ATG10: variants seen among roughly 807,000 people sequenced by gnomAD.
The protein encoded by ATG10 is autophagy related 10.
Under a neutral mutation model 32.1 loss-of-function variants are expected in ATG10, and 30 were observed. The ratio of observed to expected loss-of-function variants is 0.94; its 90% CI spans 0.70 to 1.27. The LOEUF is 1.27. ATG10 is among the 50% of genes most tolerant of loss of function. ATG10 has a pLI of 0.00. For synonymous variants in ATG10, 87 were observed against 91.5 expected, an observed-to-expected ratio of 0.95 and a Z score of 0.28; for missense variants, 233 against 262.3, an observed-to-expected ratio of 0.89 and a Z score of 0.77.
At chr5:82,114,712 G>A (rs1765733641) in intron 3 of ATG10, among the ~76,000 whole-genome samples, 1 of 152,048 alleles carries the variant, frequency 6.6e-6, no homozygotes, top group South Asian at 2.1e-4. Flanking sequence ...AGAGTCCCCA[G>A]TGATTCGGCA....
At chr5:82,193,697 T>C (rs1292228383) in intron 5 of ATG10, among the ~76,000 whole-genome samples, 1 of 152,248 alleles carries the variant, frequency 6.6e-6, no homozygotes, top group East Asian at 1.9e-4. Flanking sequence ...AAGGGTGAGT[T>C]CTATAAAATA....
At chr5:82,183,548 G>T (rs1054096878) in intron 5 of ATG10, among the ~76,000 whole-genome samples, 1 of 151,998 alleles carries the variant, frequency 6.6e-6, no homozygotes, top group African/African-American at 2.4e-5. Context: ...CCGTCGGGGG[G>T]ACATTATGTC....
intron 5 of ATG10, among the ~76,000 whole-genome samples, chr5:82,249,731 A>C (rs942326042): frequency 6.6e-6 from 1 of 152,220 alleles, no homozygotes; most frequent in African/African-American, 2.4e-5. Context: ...GAGCTCATGC[A>C]TGTGCTTACC....
At chr5:82,020,508 C>A (rs1762406019) in intron 2 of ATG10, among the ~76,000 whole-genome samples, 3 of 152,074 alleles carry the variant, frequency 2.0e-5, no homozygotes, top group East Asian at 3.8e-4. Context: ...TTAAAACAAC[C>A]ATTTATTATT....
At chr5:82,187,736 C>T (rs912305046) in intron 5 of ATG10, among the ~76,000 whole-genome samples, 16 of 151,598 alleles carry the variant, frequency 1.1e-4, no homozygotes, top group South Asian at 4.2e-4. Flanking sequence ...TGCAGGCGCC[C>T]GCCACCACGC....
rs531641518 is a variant in ATG10, at chr5:82,085,085, C to G, written c.216+26483C>G. Among the ~76,000 whole-genome samples the G allele has an allele frequency of 4.6e-5, 7 of 152,054 alleles. No individual in the cohort carries two copies. In the East Asian group the frequency reaches 1.4e-3, roughly 29 times the overall value. ...CATTAGTGTGCTGTATTCAGGAGAC[C>G]CATCTCACGTGCAGAGACACACATA... On this transcript the variant is annotated intron_variant, in intron 3 of 7. Transcript: ENST00000282185.
intron 3 of ATG10, among the ~76,000 whole-genome samples, chr5:82,114,447 G>A (rs748016252): frequency 6.6e-6 from 1 of 151,918 alleles, no homozygotes; most frequent in Non-Finnish European, 1.5e-5. Flanking sequence ...CCAATTATTT[G>A]GTTTCCTGCC....
intron 2 of ATG10, among the ~76,000 whole-genome samples, chr5:82,032,316 T>C (rs1296230966): frequency 1.3e-5 from 2 of 152,222 alleles, no homozygotes; most frequent in East Asian, 1.9e-4. Flanking sequence ...CTGTCTTTTC[T>C]ATTTTTATTG....
chr5:82,038,608 A>G (rs1763001055), intron 2 of ATG10, among the ~76,000 whole-genome samples: 1 of 152,144 alleles, frequency 6.6e-6, no homozygotes, highest in Non-Finnish European at 1.5e-5. Flanking sequence ...CACTCTTGAT[A>G]TGCGCTCCCC....
intron 4 of ATG10, among the ~76,000 whole-genome samples, chr5:82,170,062 G>C (rs1581765162): frequency 6.6e-6 from 1 of 152,260 alleles, no homozygotes; most frequent in East Asian, 1.9e-4. Context: ...TTAGCCAAAA[G>C]GTTTATTCTA....
intron 5 of ATG10, among the ~76,000 whole-genome samples, chr5:82,202,099 C>T (rs182754029): frequency 6.6e-6 from 1 of 152,260 alleles, no homozygotes; most frequent in African/African-American, 2.4e-5. Context: ...TAACCTTTCT[C>T]CTTTTTTCTT....
At position 82,254,056 on chromosome 5, in the gene ATG10, T is replaced by G. The variant is rs1212604037; in HGVS notation, c.*5-12T>G. 1 of 152,332 alleles carries G rather than the reference T, an allele frequency of 6.6e-6. No individual in the cohort carries two copies. The highest frequency in any genetic ancestry group is 1.5e-5 in the Non-Finnish European group (1 of 68,148). The allele number at this position is 152,332 out of a possible 1,614,324, so 9.4% of individuals were successfully genotyped here. On this transcript the variant is annotated splice_polypyrimidine_tract_variant and intron_variant, in intron 7 of 7. Coordinates refer to ENST00000282185, the MANE Select transcript of ATG10 (RefSeq NM_031482.5). ...TCTTTTATTCTCTTGGCTTTTGTTT[T>G]ATGTTCTTCAGATTCTTCTATTGAG...
chr5:82,135,220 C>T (rs1270688601), intron 3 of ATG10, among the ~76,000 whole-genome samples: 4 of 152,100 alleles, frequency 2.6e-5, no homozygotes, highest in Non-Finnish European at 5.9e-5. Flanking sequence ...ATGTCTCTGT[C>T]TTCTTCAGTT....
rs891307927 is a variant in ATG10, at chr5:82,062,342, A to G, written c.216+3740A>G. Among the ~76,000 whole-genome samples the G allele has an allele frequency of 1.6e-4, 25 of 152,208 alleles. 1 individual carries two copies. The South Asian group carries it at 4.4e-3, about 27-fold the overall frequency. ...TTATTTTTAATATTTGGCAACTCAT[A>G]GTAAATTTAGGCTGCCTAATTTACT... is the stretch of plus-strand genomic sequence containing the variant. On this transcript the variant is annotated intron_variant, in intron 3 of 7. Coordinates refer to ENST00000282185, the MANE Select transcript of ATG10 (RefSeq NM_031482.5).
chr5:82,037,379 C>G (rs1228349334), intron 2 of ATG10, among the ~76,000 whole-genome samples: 10 of 143,886 alleles, frequency 6.9e-5, no homozygotes, highest in African/African-American at 2.5e-4. Context: ...TCCCAAGTAG[C>G]TGGGACTACA....
intron 5 of ATG10, among the ~76,000 whole-genome samples, chr5:82,226,403 G>GTA (rs773851851): frequency 6.6e-5 from 10 of 151,828 alleles, no homozygotes; most frequent in Non-Finnish European, 1.3e-4. Flanking sequence ...GGTAGACTAT[G>GTA]TATAGTCAGT....
chr5:82,003,236 A>C (rs1761898717), intron 2 of ATG10, among the ~76,000 whole-genome samples: 1 of 152,230 alleles, frequency 6.6e-6, no homozygotes, highest in Non-Finnish European at 1.5e-5. Context: ...AAGTACCGTA[A>C]TATTAATCTG....
At chr5:82,217,092 C>T (rs888740728) in intron 5 of ATG10, among the ~76,000 whole-genome samples, 2 of 151,524 alleles carry the variant, frequency 1.3e-5, no homozygotes, top group Non-Finnish European at 3.0e-5. Flanking sequence ...CAACTATCTT[C>T]TCTTTTTACT....
Position 82,169,581 on chromosome 5 carries a change from G to T in ATG10, c.355+5044G>T, listed in dbSNP as rs910028329. 4.6e-5 allele frequency among the ~76,000 whole-genome samples: 7 copies of T among 152,184 alleles called. No individual in the cohort carries two copies. In the East Asian group the frequency reaches 1.4e-3, roughly 29 times the overall value. On this transcript the variant is annotated intron_variant, in intron 4 of 7. Coordinates refer to ENST00000282185, the MANE Select transcript of ATG10 (RefSeq NM_031482.5). ...TAATTACTACAGTGAGCAGAAAATA[G>T]AAAATTATTTGACAGATAATTTAAT...
Sources: allele counts gnomAD v4.1 joint callset (sites outside exome capture counted in the v4.1 genomes callset), GRCh38; gene constraint gnomAD v4.1.1; transcripts MANE v1.5; gene names NCBI Gene and HGNC (gene_info 2026-07-23, HGNC 2026-07-21).